JPH1: variants seen among roughly 807,000 people sequenced by gnomAD.
JPH1 encodes junctophilin 1.
In JPH1, 12 loss-of-function variants were observed where a neutral mutation model predicts 53.6. The ratio of observed to expected loss-of-function variants is 0.22; its 90% CI spans 0.14 to 0.36. The LOEUF is 0.36. JPH1 is among the 10% of genes least tolerant of loss of function. JPH1 has a pLI of 1.00. For missense variants in JPH1, 808 were observed against 905.5 expected, an observed-to-expected ratio of 0.89 and a Z score of 1.38; for synonymous variants, 375 against 363.8, an observed-to-expected ratio of 1.03 and a Z score of -0.35.
At chr8:74,248,776 G>A (rs1187593976) in intron 3 of JPH1, among the ~76,000 whole-genome samples, 17 of 152,220 alleles carry the variant, frequency 1.1e-4, no homozygotes, top group Admixed American at 1.1e-3. Context: ...CACATGTTGT[G>A]CCTGCTACTT....
chr8:74,251,203 C>T (rs1407516985), intron 3 of JPH1, among the ~76,000 whole-genome samples: 1 of 152,200 alleles, frequency 6.6e-6, no homozygotes, highest in African/African-American at 2.4e-5. Flanking sequence ...GGCTTCTCCT[C>T]CTCTGGACAG....
chr8:74,270,280 G>A (rs1806661133), intron 2 of JPH1, among the ~76,000 whole-genome samples: 1 of 152,156 alleles, frequency 6.6e-6, no homozygotes, highest in Admixed American at 6.5e-5. Context: ...CACCAAATTA[G>A]TAATTAACGC....
In JPH1 at chr8:74,259,476, A is replaced by G; in HGVS notation, c.1167T>C (p.Asp389=). 6.2e-7 allele frequency: 1 copy of G among 1,612,024 alleles called. No homozygotes were observed. The highest frequency in any genetic ancestry group is 8.5e-7 in the Non-Finnish European group (1 of 1,178,736). ...CGGCCAGCGCGGCCTGGTCGGCGGC[A>G]TCGGCCTTCGCTCTGGCATGTGCAG... The part of the protein sequence containing the change: ...SRTAHARAKA[D]AADQAALAAR... Residue 389 remains aspartate (D), a synonymous_variant, in exon 3 of 6, where the codon GAT becomes GAC. Transcript: ENST00000342232.
At chr8:74,275,180 T>A (rs530814538) in intron 2 of JPH1, among the ~76,000 whole-genome samples, 1 of 152,308 alleles carries the variant, frequency 6.6e-6, no homozygotes, top group Admixed American at 6.5e-5. Flanking sequence ...TTGAATTAAT[T>A]CAAAGCCACT....
chr8:74,263,164 T>C (rs1806441014), intron 2 of JPH1, among the ~76,000 whole-genome samples: 1 of 152,214 alleles, frequency 6.6e-6, no homozygotes, highest in Non-Finnish European at 1.5e-5. Context: ...TTTCAATCTC[T>C]TATACATCTG....
intron 2 of JPH1, among the ~76,000 whole-genome samples, chr8:74,277,478 C>T (rs1411613383): frequency 6.6e-6 from 1 of 152,236 alleles, no homozygotes; most frequent in East Asian, 1.9e-4. Flanking sequence ...AAGTGGCAAA[C>T]TCAAAGTCCC....
At chr8:74,281,029 T>C (rs886383183) in intron 2 of JPH1, among the ~76,000 whole-genome samples, 1 of 152,216 alleles carries the variant, frequency 6.6e-6, no homozygotes, top group African/African-American at 2.4e-5. Flanking sequence ...ATGACTCAGC[T>C]CATGTTCTTT....
chr8:74,310,097 G>A (rs941966214), intron 2 of JPH1, among the ~76,000 whole-genome samples: 2 of 152,228 alleles, frequency 1.3e-5, no homozygotes, highest in East Asian at 3.9e-4. Context: ...CCTGGGCTTA[G>A]GTACTGGCTC....
At chr8:74,249,807 C>A (rs534054892) in intron 3 of JPH1, among the ~76,000 whole-genome samples, 1 of 152,288 alleles carries the variant, frequency 6.6e-6, no homozygotes, top group South Asian at 2.1e-4. Context: ...CTGAAGTCTT[C>A]TAATTCATAC....
In JPH1 at chr8:74,315,812, T is replaced by C. The variant is rs140177676; in HGVS notation, c.380-192A>G. ...TTTGGGTGTAAGGCTTTAATGTCAT[T>C]GCACAGAATTTTCTAGTAGTCAGAT... On this transcript the variant is annotated intron_variant, in intron 1 of 5. Transcript: ENST00000342232. The surrounding 1 kb of genome is among the most constrained non-coding windows in gnomAD (Gnocchi z 6.3). Among the ~76,000 whole-genome samples, 116 of 152,328 alleles carry C rather than the reference T, an allele frequency of 7.6e-4. No individual in the cohort carries two copies. Among genetic ancestry groups the C allele is most frequent in the African/African-American group, 2.6e-3 (109 of 41,578 alleles).
chr8:74,266,210 G>A (rs370809923), intron 2 of JPH1, among the ~76,000 whole-genome samples: 29 of 151,840 alleles, frequency 1.9e-4, no homozygotes, highest in East Asian at 1.2e-3. Flanking sequence ...GTCCAAAGGC[G>A]GAAGCAATCC....
intron 2 of JPH1, among the ~76,000 whole-genome samples, chr8:74,281,245 C>G (rs553217288): frequency 6.6e-6 from 1 of 152,218 alleles, no homozygotes; most frequent in Admixed American, 6.5e-5. Flanking sequence ...CTGCAAGCTA[C>G]AGATAAAACT....
intron 4 of JPH1, among the ~76,000 whole-genome samples, chr8:74,241,234 A>G (rs545248992): frequency 6.6e-6 from 1 of 152,354 alleles, no homozygotes; most frequent in South Asian, 2.1e-4. Context: ...CAGGGGAAAA[A>G]TAAAAATCCG....
At chr8:74,271,081 G>A (rs1053093530) in intron 2 of JPH1, among the ~76,000 whole-genome samples, 7 of 152,164 alleles carry the variant, frequency 4.6e-5, no homozygotes, top group African/African-American at 1.7e-4. Context: ...AATTACTCTA[G>A]GCACAACGGG....
chr8:74,315,114 T>C lies in JPH1; in HGVS notation c.886A>G (p.Ser296Gly). Residue 296 changes from serine (S) to glycine (G), a missense_variant, in exon 2 of 6, where the codon AGC becomes GGC. Ser to Gly is a moderately conservative substitution (Grantham distance 56, BLOSUM62 0). Around this residue, in one of 2 missense-constraint regions of JPH1, gnomAD observed 756 missense variants for 811.9 expected, o/e 0.93. Transcript: ENST00000342232. This position sits in a 1 kb window ranked among gnomAD's most constrained non-coding sequence, Gnocchi z 6.3. ...TACTTCATGCCATTGGAGCGCTCGCTAACGCCGAAGCCGTTGCGCTTGTCG... is the reference window on the plus strand; with the variant it reads ...TACTTCATGCCATTGGAGCGCTCGCCAACGCCGAAGCCGTTGCGCTTGTCG... ...KNDKRNGFGVSERSNGMKYEG... is the reference protein window; with the variant it reads ...KNDKRNGFGVGERSNGMKYEG... 6.2e-7 allele frequency: 1 copy of C among 1,614,244 alleles called. No individual in the cohort carries two copies. Among genetic ancestry groups the C allele is most frequent in the Non-Finnish European group, 8.5e-7 (1 of 1,180,038 alleles).
chr8:74,286,356 A>T (rs1337949277), intron 2 of JPH1, among the ~76,000 whole-genome samples: 5 of 152,236 alleles, frequency 3.3e-5, no homozygotes, highest in Non-Finnish European at 7.3e-5. Flanking sequence ...TATACATTGC[A>T]TGATGATCAA....
At chr8:74,246,078 A>C (rs956699165) in intron 3 of JPH1, among the ~76,000 whole-genome samples, 15 of 152,142 alleles carry the variant, frequency 9.9e-5, no homozygotes, top group Admixed American at 3.9e-4. Context: ...TTAGACTTCT[A>C]GGGCCTTCAG....
At chr8:74,274,041 A>G (rs1389687281) in intron 2 of JPH1, among the ~76,000 whole-genome samples, 1 of 152,160 alleles carries the variant, frequency 6.6e-6, no homozygotes. Flanking sequence ...AGTAGGCTAT[A>G]TTTAAATTGG....
intron 3 of JPH1, among the ~76,000 whole-genome samples, chr8:74,256,881 T>C (rs971366008): frequency 6.6e-6 from 1 of 152,256 alleles, no homozygotes; most frequent in Admixed American, 6.5e-5. Flanking sequence ...ATGTAAGCTA[T>C]GACAGGCATC....
Sources: allele counts gnomAD v4.1 joint callset (sites outside exome capture counted in the v4.1 genomes callset), GRCh38; gene constraint gnomAD v4.1.1; regional missense constraint gnomAD v4.1.1; non-coding constraint Gnocchi (gnomAD v3.1); transcripts MANE v1.5; gene names NCBI Gene and HGNC (gene_info 2026-07-23, HGNC 2026-07-21).